The following KCND2 variants were observed in gnomAD, a reference collection of about 807,000 sequenced individuals.
The protein encoded by KCND2 is potassium voltage-gated channel subfamily D member 2, also known as A-type voltage-gated potassium channel KCND2.
KCND2 carries 16 observed loss-of-function variants against 54.4 expected under a neutral mutation model. That is an observed-to-expected ratio of 0.29 (90% CI 0.20 to 0.45). The LOEUF is 0.45. Among genes scored for constraint, KCND2 ranks in the 20% least tolerant of loss-of-function variants. The probability of loss-of-function intolerance (pLI) is 1.00; values close to 1 mark genes in which losing one functional copy is unlikely to be tolerated. For missense variants in KCND2, 486 were observed against 824.2 expected, an observed-to-expected ratio of 0.59 and a Z score of 5.02; for synonymous variants, 317 against 310.7, an observed-to-expected ratio of 1.02 and a Z score of -0.21.
At chr7:120,494,774 A>G (rs1047653581) in intron 1 of KCND2, among the ~76,000 whole-genome samples, 8 of 152,308 alleles carry the variant, frequency 5.3e-5, no homozygotes, top group African/African-American at 1.4e-4. Context: ...GGACTAATGC[A>G]TCTTTATGGA....
intron 1 of KCND2, among the ~76,000 whole-genome samples, chr7:120,458,155 A>G (rs1262776592): frequency 6.6e-6 from 1 of 152,162 alleles, no homozygotes; most frequent in Non-Finnish European, 1.5e-5. Flanking sequence ...ACCCCCAAAT[A>G]TGCAGCAGAA....
At chr7:120,674,823 G>A (rs1023591733) in intron 1 of KCND2, among the ~76,000 whole-genome samples, 1 of 152,164 alleles carries the variant, frequency 6.6e-6, no homozygotes, top group Non-Finnish European at 1.5e-5. Context: ...TACCAGGTGA[G>A]TGTGTGTTGG....
intron 1 of KCND2, among the ~76,000 whole-genome samples, chr7:120,331,945 A>T (rs1186586815): frequency 1.3e-5 from 2 of 151,920 alleles, no homozygotes; most frequent in Non-Finnish European, 2.9e-5. Context: ...TTTTATTTGT[A>T]TTTTATTCTC....
intron 1 of KCND2, among the ~76,000 whole-genome samples, chr7:120,506,643 A>G (rs1562858300): frequency 1.3e-5 from 2 of 151,942 alleles, no homozygotes; most frequent in Non-Finnish European, 2.9e-5. Flanking sequence ...TAATCTGGAA[A>G]ATATTTAAAG....
chr7:120,587,594 G>A (rs902814620), intron 1 of KCND2, among the ~76,000 whole-genome samples: 1 of 151,920 alleles, frequency 6.6e-6, no homozygotes, highest in African/African-American at 2.4e-5. Context: ...AAAATCAAAT[G>A]TATCAGACAT....
At chr7:120,412,225 G>A (rs184549075) in intron 1 of KCND2, among the ~76,000 whole-genome samples, 3 of 152,048 alleles carry the variant, frequency 2.0e-5, no homozygotes, top group Admixed American at 1.3e-4. Flanking sequence ...ACAAACAAAT[G>A]CAAAATAAAT....
At chr7:120,559,904 T>C (rs1265498078) in intron 1 of KCND2, among the ~76,000 whole-genome samples, 1 of 152,158 alleles carries the variant, frequency 6.6e-6, no homozygotes, top group Non-Finnish European at 1.5e-5. Flanking sequence ...CCTAAGGACA[T>C]ATTGTGAGAA....
At chr7:120,452,060 A>G (rs1472965308) in intron 1 of KCND2, among the ~76,000 whole-genome samples, 1 of 152,208 alleles carries the variant, frequency 6.6e-6, no homozygotes, top group African/African-American at 2.4e-5. Flanking sequence ...TAATCTTGTT[A>G]TTTTACAGAC....
chr7:120,669,031 A>G (rs1791960823), intron 1 of KCND2, among the ~76,000 whole-genome samples: 1 of 152,128 alleles, frequency 6.6e-6, no homozygotes, highest in African/African-American at 2.4e-5. Context: ...ATGGATTGAT[A>G]AAGTTATTTC....
In KCND2 at chr7:120,377,885, C is replaced by T. The variant is rs558846317; in HGVS notation, c.1115+102138C>T. Among the ~76,000 whole-genome samples, 22 of 151,986 alleles carry T rather than the reference C, an allele frequency of 1.4e-4. No homozygotes were observed. In the South Asian group the frequency reaches 1.5e-3, roughly 10 times the overall value. ...TTGTCCTCAGCAATGCCTTCTGTGA[C>T]GCATCAGCCAGCTTATATGTCCCTT... On this transcript the variant is annotated intron_variant, in intron 1 of 5. Transcript: ENST00000331113.
At chr7:120,326,178 T>C (rs1194865525) in intron 1 of KCND2, among the ~76,000 whole-genome samples, 2 of 152,038 alleles carry the variant, frequency 1.3e-5, no homozygotes. Flanking sequence ...TGCACTTGAT[T>C]GGGGAGGACT....
chr7:120,681,442 C>G (rs1284882923), intron 1 of KCND2, among the ~76,000 whole-genome samples: 1 of 151,972 alleles, frequency 6.6e-6, no homozygotes, highest in Non-Finnish European at 1.5e-5. Flanking sequence ...AACACATGTG[C>G]TCTGTAACCA....
In KCND2 at chr7:120,399,238, G is replaced by T. The variant is rs899290143; in HGVS notation, c.1115+123491G>T. Among the ~76,000 whole-genome samples, 6 of 151,400 alleles carry T rather than the reference G, an allele frequency of 4.0e-5. No individual in the cohort carries two copies. In the Admixed American group the frequency reaches 4.0e-4, roughly 10 times the overall value. On this transcript the variant is annotated intron_variant, in intron 1 of 5. Coordinates refer to ENST00000331113, the MANE Select transcript of KCND2 (RefSeq NM_012281.3). ...TTTAATGATTGGTAGTTGTAACAGC[G>T]TATTTGGCTCAGTGATAACTATTAT... is the stretch of plus-strand genomic sequence containing the variant.
intron 1 of KCND2, among the ~76,000 whole-genome samples, chr7:120,628,134 G>A (rs1218911289): frequency 6.6e-6 from 1 of 152,134 alleles, no homozygotes; most frequent in East Asian, 1.9e-4. Flanking sequence ...TGATAGCAAT[G>A]AATGTTCAAA....
chr7:120,325,776 G>A (rs1001642018), intron 1 of KCND2, among the ~76,000 whole-genome samples: 1 of 152,050 alleles, frequency 6.6e-6, no homozygotes, highest in Non-Finnish European at 1.5e-5. Context: ...AAAAAAAGTG[G>A]TGTTGGTTTG....
intron 1 of KCND2, among the ~76,000 whole-genome samples, chr7:120,432,810 G>T (rs1212231410): frequency 6.6e-6 from 1 of 152,102 alleles, no homozygotes; most frequent in Non-Finnish European, 1.5e-5. Flanking sequence ...GTCCACTAGA[G>T]AATTATTCCT....
intron 1 of KCND2, among the ~76,000 whole-genome samples, chr7:120,498,866 G>A (rs972577023): frequency 8.5e-5 from 13 of 152,124 alleles, no homozygotes; most frequent in Non-Finnish European, 1.9e-4. Context: ...ATTAAATGTT[G>A]TCCGTGAGAA....
chr7:120,367,421 A>T (rs1800702304), intron 1 of KCND2, among the ~76,000 whole-genome samples: 1 of 152,050 alleles, frequency 6.6e-6, no homozygotes, highest in Non-Finnish European at 1.5e-5. Flanking sequence ...CCAGGAGATA[A>T]TTTTGAGAAC....
intron 1 of KCND2, among the ~76,000 whole-genome samples, chr7:120,534,944 A>G (rs557711040): frequency 1.3e-5 from 2 of 152,280 alleles, no homozygotes; most frequent in Non-Finnish European, 2.9e-5. Context: ...TTAAAGAAGA[A>G]TGTATTCTAG....
Sources: allele counts gnomAD v4.1 joint callset (sites outside exome capture counted in the v4.1 genomes callset), GRCh38; gene constraint gnomAD v4.1.1; transcripts MANE v1.5; gene names NCBI Gene and HGNC (gene_info 2026-07-23, HGNC 2026-07-21).